SGTA: variants seen among roughly 807,000 people sequenced by gnomAD.
SGTA encodes small glutamine-rich tetratricopeptide repeat-containing protein alpha.
SGTA carries 22 observed loss-of-function variants against 44.3 expected under a neutral mutation model. The observed-to-expected ratio is 0.50, with a 90% CI of 0.36 to 0.71. The LOEUF is 0.71. SGTA is among the 30% of genes least tolerant of loss of function. The pLI, the probability that SGTA is intolerant of heterozygous loss-of-function variation, is 0.00. For synonymous variants in SGTA, 174 were observed against 177.6 expected (o/e 0.98, Z 0.16); for missense variants, 341 against 435.9 (o/e 0.78, Z 1.94).
At position 2,761,392 on chromosome 19, in the gene SGTA, G is replaced by C; in HGVS notation, c.699+68C>G. The C allele has an allele frequency of 7.3e-7, 1 of 1,364,098 alleles. No individual in the cohort carries two copies. The highest frequency in any genetic ancestry group is 1.2e-5 in the South Asian group (1 of 80,398). The allele number at this position is 1,364,098 out of a possible 1,614,324, so 84.5% of individuals were successfully genotyped here. ...GGCAAGGAAGCCCTGGCCAGTAGCG[G>C]ACACAGCAGATGCGGGCCTGGGGGG... On this transcript the variant is annotated intron_variant, in intron 8 of 11. Transcript: ENST00000221566. This position sits in a 1 kb window ranked among gnomAD's most constrained non-coding sequence, Gnocchi z 5.7.
chr19:2,771,663 C>A (rs937802689), intron 1 of SGTA, among the ~76,000 whole-genome samples: 24 of 151,554 alleles, frequency 1.6e-4, no homozygotes, highest in Non-Finnish European at 2.9e-4. Flanking sequence ...GGTGCTGGTG[C>A]ACCCTCCGTG....
intron 1 of SGTA, among the ~76,000 whole-genome samples, chr19:2,771,583 G>A (rs1047979561): frequency 1.3e-5 from 2 of 151,876 alleles, no homozygotes; most frequent in East Asian, 3.9e-4. Context: ...ATCGGGGGGG[G>A]GGGGAGGGGT....
In SGTA at chr19:2,761,011, C is replaced by T. The variant is rs948513663; in HGVS notation, c.699+449G>A. On this transcript the variant is annotated intron_variant, in intron 8 of 11. Coordinates refer to ENST00000221566, the MANE Select transcript of SGTA (RefSeq NM_003021.4). The surrounding 1 kb of genome is among the most constrained non-coding windows in gnomAD (Gnocchi z 5.7). ...TTTGGAAGCATGAGTGCCCGGGCAT[C>T]GGGAGGTCCACCTGCGCCCGGCGCA... Among the ~76,000 whole-genome samples the T allele has an allele frequency of 2.0e-5, 3 of 152,234 alleles. No individual in the cohort carries two copies. The highest frequency in any genetic ancestry group is 6.5e-5 in the Admixed American group (1 of 15,290).
chr19:2,757,992 C>T (rs1914876833), intron 9 of SGTA, among the ~76,000 whole-genome samples: 1 of 152,146 alleles, frequency 6.6e-6, no homozygotes, highest in South Asian at 2.1e-4. Context: ...TTTCTTTGGC[C>T]TAAAGAGCGT....
intron 1 of SGTA, among the ~76,000 whole-genome samples, chr19:2,776,430 G>T (rs1226025260): frequency 6.6e-6 from 1 of 152,208 alleles, no homozygotes; most frequent in East Asian, 1.9e-4. Flanking sequence ...CGCACTCAGT[G>T]AAATAAGCCA....
At chr19:2,775,106 C>G (rs1915414634) in intron 1 of SGTA, among the ~76,000 whole-genome samples, 1 of 152,208 alleles carries the variant, frequency 6.6e-6, no homozygotes, top group South Asian at 2.1e-4. Flanking sequence ...GTGGGTGCAC[C>G]AGGCCCTTGA....
Position 2,755,897 on chromosome 19 carries a change from G to C in SGTA, c.*43C>G, listed in dbSNP as rs1568306022. On this transcript the variant is annotated 3_prime_UTR_variant, in exon 12 of 12. Transcript: ENST00000221566. The surrounding 1 kb of genome is among the most constrained non-coding windows in gnomAD (Gnocchi z 5.2). ...GCAGACAACCAGAAGGCTTCCTTCGGGTCGGCCAGGGAAGGACGCGGTCAC... is the reference window on the plus strand; with the variant it reads ...GCAGACAACCAGAAGGCTTCCTTCGCGTCGGCCAGGGAAGGACGCGGTCAC... 1.0e-6 allele frequency: 1 copy of C among 985,736 alleles called. No individual in the cohort carries two copies. Among genetic ancestry groups the C allele is most frequent in the East Asian group, 1.1e-4 (1 of 8,830 alleles). 61.1% of individuals were successfully genotyped at this position (985,736 alleles called of 1,614,324 possible). A position where few individuals can be genotyped will look rare whatever the true frequency, so the allele number is the denominator to read the frequency against.
chr19:2,766,137 A>G (rs1915136766), intron 4 of SGTA, among the ~76,000 whole-genome samples: 1 of 152,042 alleles, frequency 6.6e-6, no homozygotes, highest in African/African-American at 2.4e-5. Context: ...AATTGCTTGA[A>G]CCAGGGAGTC....
At chr19:2,764,548 C>T (rs1915085501) in intron 5 of SGTA, among the ~76,000 whole-genome samples, 1 of 152,138 alleles carries the variant, frequency 6.6e-6, no homozygotes, top group Non-Finnish European at 1.5e-5. Flanking sequence ...CAGGCACCCA[C>T]CACCACATCC....
At chr19:2,756,280 C>G (rs1914817076) in intron 11 of SGTA, among the ~76,000 whole-genome samples, 1 of 151,286 alleles carries the variant, frequency 6.6e-6, no homozygotes, top group African/African-American at 2.4e-5. Context: ...GAAAAGGCGG[C>G]CAAAATATTA....
At chr19:2,762,471 G>C (rs760861223) in intron 7 of SGTA, 35 bp downstream of exon 7, 2 of 1,611,074 alleles carry the variant, frequency 1.2e-6, no homozygotes, top group Non-Finnish European at 1.7e-6. Context: ...CAGTCAGCTC[G>C]GCGTTCTGGA....
chr19:2,767,311 A>G lies in SGTA; in HGVS notation c.208-91T>C. ...TTCCCTCGGGACGCCAGAGAGGGCC[A>G]CCAAGTTCCGAAGGACCCGGGGGCT... On this transcript the variant is annotated intron_variant, in intron 3 of 11. Transcript: ENST00000221566. The surrounding 1 kb of genome is among the most constrained non-coding windows in gnomAD (Gnocchi z 7.3). 2 of 1,052,362 alleles carry G rather than the reference A, an allele frequency of 1.9e-6. No homozygotes were observed. The highest frequency in any genetic ancestry group is 2.8e-6 in the Non-Finnish European group (2 of 714,972). 65.2% of individuals were successfully genotyped at this position (1,052,362 alleles called of 1,614,324 possible). A position where few individuals can be genotyped will look rare whatever the true frequency, so the allele number is the denominator to read the frequency against.
intron 6 of SGTA, among the ~76,000 whole-genome samples, chr19:2,762,846 C>A (rs576587746): frequency 4.0e-4 from 61 of 152,252 alleles, no homozygotes; most frequent in African/African-American, 1.4e-3. Context: ...ATGAGAACAC[C>A]CCTGCCACAC....
intron 6 of SGTA, 37 bp from the exon 7 acceptor site, chr19:2,762,681 G>A (rs1336814253): frequency 1.2e-6 from 2 of 1,609,748 alleles, no homozygotes; most frequent in Non-Finnish European, 1.7e-6. Context: ...GTTCCCATCT[G>A]CCCAGCTCCA....
chr19:2,782,240 G>A (rs542790040), intron 1 of SGTA, among the ~76,000 whole-genome samples: 4 of 152,152 alleles, frequency 2.6e-5, no homozygotes, highest in Non-Finnish European at 5.9e-5. Flanking sequence ...AAGCACAAAT[G>A]TCACCAAGAA....
At chr19:2,756,652 G>A (rs982351929) in intron 11 of SGTA, among the ~76,000 whole-genome samples, 2 of 152,118 alleles carry the variant, frequency 1.3e-5, no homozygotes, top group South Asian at 2.1e-4. Flanking sequence ...CCAGGGAGCC[G>A]GCGTCTGCTG....
chr19:2,755,521 TC>T lies in SGTA; in HGVS notation c.*418del, dbSNP rs1914796737. On this transcript the variant is annotated 3_prime_UTR_variant, in exon 12 of 12. Transcript: ENST00000221566. This position sits in a 1 kb window ranked among gnomAD's most constrained non-coding sequence, Gnocchi z 5.2. The stretch of plus-strand genomic sequence containing the variant: ...AGAGGCTTCTCACAGACGGGAGAGT[TC>T]CTGCAGACAGACCACGGGATGGGGG... 2 of 986,206 alleles carry T rather than the reference TC, an allele frequency of 2.0e-6. No individual in the cohort carries two copies. The highest frequency in any genetic ancestry group is 2.3e-4 in the East Asian group (2 of 8,816). 61.1% of individuals were successfully genotyped at this position (986,206 alleles called of 1,614,324 possible).
chr19:2,757,951 G>A (rs564922777), intron 9 of SGTA, among the ~76,000 whole-genome samples, 169 bp from the exon 10 acceptor site: 2 of 152,266 alleles, frequency 1.3e-5, no homozygotes, highest in African/African-American at 4.8e-5. Flanking sequence ...CCCACCCTGT[G>A]ACTTTCACCT....
rs567103572 is a variant in SGTA at position 2,765,360 on chromosome 19, C to T, written c.293-75G>A. ...GGGTGTCAGGGAGAGAGGAAAACAC[C>T]GGCCTGGTGTCCACACAGACCCGAG... On this transcript the variant is annotated intron_variant, in intron 4 of 11. Coordinates refer to ENST00000221566, the MANE Select transcript of SGTA (RefSeq NM_003021.4). This position sits in a 1 kb window ranked among gnomAD's most constrained non-coding sequence, Gnocchi z 5.5. The T allele has an allele frequency of 1.0e-4, 115 of 1,125,790 alleles. No individual in the cohort carries two copies. The African/African-American group carries it at 1.5e-3, about 15-fold the overall frequency. The allele number at this position is 1,125,790 out of a possible 1,614,324, so 69.7% of individuals were successfully genotyped here.
Sources: gnomAD v4.1 joint callset for allele counts (sites outside exome capture counted in the v4.1 genomes callset) on GRCh38, gnomAD v4.1.1 for gene constraint, Gnocchi (gnomAD v3.1) non-coding constraint, MANE v1.5 for transcripts, NCBI Gene and HGNC (gene_info 2026-07-23, HGNC 2026-07-21) for gene names.